POLR2B: variants seen among roughly 807,000 people sequenced by gnomAD.
POLR2B encodes the protein RNA polymerase II subunit B, also known as DNA-directed RNA polymerase II subunit RPB2.
A neutral mutation model predicts 144.6 loss-of-function variants in POLR2B; 57 were observed. The ratio of observed to expected loss-of-function variants is 0.39; its 90% CI spans 0.32 to 0.49. The LOEUF (loss-of-function observed/expected upper bound fraction) is 0.49, where lower values mean the gene tolerates loss of function less well. POLR2B is among the 20% of genes least tolerant of loss of function. POLR2B has a pLI of 0.83. For missense variants in POLR2B, 595 were observed against 1,467.4 expected (o/e 0.41, Z 9.71); for synonymous variants, 442 against 469.8 (o/e 0.94, Z 0.77).
chr4:57,002,574 C>T (rs1370097356), intron 7 of POLR2B: 1 of 151,806 alleles, frequency 6.6e-6, no homozygotes. Flanking sequence ...GTGGCAGTTT[C>T]CTTTGAAAAA....
At chr4:56,986,188 G>A (rs1274076616) in intron 1 of POLR2B, 166 bp from the exon 2 acceptor site, 2 of 687,786 alleles carry the variant, frequency 2.9e-6, no homozygotes, top group Admixed American at 2.0e-5. Flanking sequence ...GTGTGACATA[G>A]ACATAAATTA....
intron 14 of POLR2B, 123 bp from the exon 15 acceptor site, chr4:57,016,920 A>G (rs1304808919): frequency 1.2e-5 from 3 of 259,280 alleles, no homozygotes; most frequent in South Asian, 3.3e-4. Flanking sequence ...ATATAAATAT[A>G]TATGTATATT....
In POLR2B at chr4:57,017,944, A is replaced by G. The variant is rs1157958789; in HGVS notation, c.2323+216A>G. ...TTGGAAGCACAGACTGATGGAAGCA[A>G]TTAATTCCTGTTGGAAGTCTAGATC... On this transcript the variant is annotated intron_variant, in intron 16 of 24. Transcript: ENST00000314595. The surrounding 1 kb of genome is among the most constrained non-coding windows in gnomAD (Gnocchi z 4.8). Among the ~76,000 whole-genome samples, 2 of 152,224 alleles carry G rather than the reference A, an allele frequency of 1.3e-5. No individual in the cohort carries two copies. The highest frequency in any genetic ancestry group is 2.9e-5 in the Non-Finnish European group (2 of 68,046).
intron 13 of POLR2B, 107 bp downstream of exon 13, chr4:57,011,207 CT>C: frequency 1.3e-6 from 1 of 744,084 alleles, no homozygotes; most frequent in Non-Finnish European, 2.4e-6. Context: ...ACTTTATTCC[CT>C]TGAACTGTAA....
chr4:56,990,874 T>C lies in POLR2B; in HGVS notation c.219T>C (p.His73=), dbSNP rs375017598. The change falls in exon 3 of 25, where the codon CAT becomes CAC. Residue 73 remains histidine, a synonymous_variant. Coordinates refer to ENST00000314595, the MANE Select transcript of POLR2B (RefSeq NM_000938.3). ...PPIDLQAEAQ[H]ASGEVEEPPR... is the part of the protein sequence containing the mutation. ...TAGACCTACAGGCTGAAGCTCAGCA[T>C]GCTAGTGGAGAAGTTGAAGAACCGG... 4 of 1,612,708 alleles carry C rather than the reference T, an allele frequency of 2.5e-6. No homozygotes were observed. The African/African-American group carries it at 5.3e-5, about 22-fold the overall frequency.
At chr4:56,982,457 A>T (rs1054823670) in intron 1 of POLR2B, among the ~76,000 whole-genome samples, 4 of 152,100 alleles carry the variant, frequency 2.6e-5, no homozygotes, top group African/African-American at 9.7e-5. Flanking sequence ...CTGTGATCCC[A>T]GCTCCTCGGG....
At chr4:57,027,115 T>C (rs1206873175) in intron 23 of POLR2B, among the ~76,000 whole-genome samples, 3 of 152,018 alleles carry the variant, frequency 2.0e-5, no homozygotes, top group Admixed American at 2.0e-4. Flanking sequence ...TTCAAGCAAT[T>C]CTCGTGCCTC....
intron 18 of POLR2B, 48 bp downstream of exon 18, chr4:57,022,294 G>A (rs763282545): frequency 8.1e-6 from 10 of 1,229,374 alleles, no homozygotes; most frequent in African/African-American, 3.0e-5. Flanking sequence ...TTAACTTACT[G>A]TGGTTTTCCT....
At chr4:56,980,125 C>T (rs1272873164) in intron 1 of POLR2B, among the ~76,000 whole-genome samples, 1 of 147,784 alleles carries the variant, frequency 6.8e-6, no homozygotes, top group East Asian at 2.0e-4. Context: ...GGGGTCTGGC[C>T]ATGTTGCCCA....
At chr4:57,026,544 G>C (rs1723725637) in intron 23 of POLR2B, among the ~76,000 whole-genome samples, 1 of 152,106 alleles carries the variant, frequency 6.6e-6, no homozygotes, top group Non-Finnish European at 1.5e-5. Flanking sequence ...AGAAGTTAAA[G>C]CTGAGATTTT....
At chr4:56,987,401 ACTCTTCTCT>A (rs36211510) in intron 2 of POLR2B, among the ~76,000 whole-genome samples, 135,192 of 151,574 alleles carry the variant, frequency 0.89, 60,321 homozygotes, top group East Asian at 0.97. Flanking sequence ...AAGGCTTATA[ACTCTTCTCT>A]CTCTTCTCTC....
chr4:57,007,592 A>C (rs969101767), intron 10 of POLR2B, among the ~76,000 whole-genome samples: 1 of 152,208 alleles, frequency 6.6e-6, no homozygotes, highest in Admixed American at 6.5e-5. Flanking sequence ...TGAAATTTTT[A>C]TGTCTTAAAA....
chr4:56,984,439 T>C (rs778759505), intron 1 of POLR2B, among the ~76,000 whole-genome samples: 8 of 152,216 alleles, frequency 5.3e-5, no homozygotes, highest in Non-Finnish European at 7.3e-5. Context: ...TTGTCTATAA[T>C]GTAGACTCTT....
At chr4:56,983,368 G>GTTTTTT (rs11315195) in intron 1 of POLR2B, among the ~76,000 whole-genome samples, 3 of 71,302 alleles carry the variant, frequency 4.2e-5, no homozygotes, top group African/African-American at 5.5e-5. Context: ...CTCTGCTCAG[G>GTTTTTT]TTTTTTTTTT....
chr4:56,999,802 A>T, intron 7 of POLR2B, 21 bp downstream of exon 7: 2 of 1,519,722 alleles, frequency 1.3e-6, no homozygotes, highest in South Asian at 2.3e-5. Context: ...AGCAAAATGT[A>T]TTCACAGAGC....
chr4:56,985,847 C>G lies in POLR2B; in HGVS notation c.20-507C>G, dbSNP rs181563168. On this transcript the variant is annotated intron_variant, in intron 1 of 24. Transcript: ENST00000314595. ...CAGGAGAGTCAAAATCTACCCGATT[C>G]AAGGAGAGGGTGCATAGACCACTAT... 5.3e-5 allele frequency among the ~76,000 whole-genome samples: 8 copies of G among 152,292 alleles called. No homozygotes were observed. In the East Asian group the frequency reaches 1.4e-3, roughly 26 times the overall value.
intron 3 of POLR2B, among the ~76,000 whole-genome samples, chr4:56,993,365 A>G (rs538688343): frequency 1.7e-4 from 26 of 152,308 alleles, no homozygotes; most frequent in African/African-American, 6.0e-4. Context: ...ATCTTAGAAT[A>G]GCCTATGATT....
At chr4:56,999,274 G>A (rs183086428) in intron 6 of POLR2B, among the ~76,000 whole-genome samples, 9 of 151,012 alleles carry the variant, frequency 6.0e-5, no homozygotes, top group African/African-American at 4.9e-5. Flanking sequence ...TTTTTTGGAG[G>A]GGGGATAGGT....
At chr4:57,006,151 A>G (rs1257200599) in intron 9 of POLR2B, among the ~76,000 whole-genome samples, 3 of 152,336 alleles carry the variant, frequency 2.0e-5, no homozygotes, top group East Asian at 1.9e-4. Context: ...CATATTTTCT[A>G]TAATTGGAAA....
Sources: allele counts gnomAD v4.1 joint callset (sites outside exome capture counted in the v4.1 genomes callset), GRCh38; gene constraint gnomAD v4.1.1; non-coding constraint Gnocchi (gnomAD v3.1); transcripts MANE v1.5; gene names NCBI Gene and HGNC (gene_info 2026-07-23, HGNC 2026-07-21).